CENPP: variants seen among roughly 807,000 people sequenced by gnomAD.
The protein encoded by CENPP is centromere protein P.
CENPP carries 24 observed loss-of-function variants against 35.6 expected under a neutral mutation model. The observed-to-expected ratio is 0.67, with a 90% CI of 0.49 to 0.95. The LOEUF (loss-of-function observed/expected upper bound fraction) is 0.95, where lower values mean the gene tolerates loss of function less well. Among genes scored for constraint, CENPP ranks in the 40% least tolerant of loss-of-function variants. The pLI, the probability that CENPP is intolerant of heterozygous loss-of-function variation, is 0.00. For synonymous variants in CENPP, 120 were observed against 125.5 expected (o/e 0.96, Z 0.29); for missense variants, 332 against 345.3 (o/e 0.96, Z 0.31).
chr9:92,540,895 A>G (rs1849302796), intron 5 of CENPP, among the ~76,000 whole-genome samples: 3 of 152,220 alleles, frequency 2.0e-5, no homozygotes, highest in African/African-American at 7.2e-5. Flanking sequence ...GAGCAAAAAT[A>G]TCGATAAAGT....
intron 5 of CENPP, among the ~76,000 whole-genome samples, chr9:92,503,276 C>G (rs230222): frequency 0.41 from 62,498 of 152,052 alleles, 15,403 homozygotes; most frequent in East Asian, 0.8. Flanking sequence ...CTTAAAAACT[C>G]TGAAAAGTAG....
At chr9:92,496,382 G>C (rs1032829011) in intron 5 of CENPP, 10 of 1,608,344 alleles carry the variant, frequency 6.2e-6, no homozygotes, top group Non-Finnish European at 7.6e-6. Flanking sequence ...TGTGTAAGAT[G>C]GTATTTCTCT....
At chr9:92,566,704 A>T (rs1849975755) in intron 5 of CENPP, among the ~76,000 whole-genome samples, 1 of 152,236 alleles carries the variant, frequency 6.6e-6, no homozygotes. Context: ...CTGCAGAAGA[A>T]TGAACAGAGC....
chr9:92,511,109 T>G (rs772197824), intron 5 of CENPP, among the ~76,000 whole-genome samples: 12 of 152,194 alleles, frequency 7.9e-5, no homozygotes, highest in Non-Finnish European at 1.3e-4. Context: ...CTGAAATTCC[T>G]TGAATTCTCT....
At chr9:92,407,325 C>G (rs79076334) in intron 5 of CENPP, among the ~76,000 whole-genome samples, 1 of 152,304 alleles carries the variant, frequency 6.6e-6, no homozygotes, top group African/African-American at 2.4e-5. Flanking sequence ...TCAAGACTAT[C>G]AGGTGTGGCT....
chr9:92,573,107 G>A (rs1452110400), intron 5 of CENPP, among the ~76,000 whole-genome samples: 1 of 152,186 alleles, frequency 6.6e-6, no homozygotes, highest in Non-Finnish European at 1.5e-5. Context: ...ACTCGTCAAA[G>A]TCATTCTCCG....
intron 5 of CENPP, among the ~76,000 whole-genome samples, chr9:92,436,989 C>T (rs1194506593): frequency 6.6e-6 from 1 of 152,104 alleles, no homozygotes; most frequent in East Asian, 1.9e-4. Flanking sequence ...CACTTGAGGA[C>T]AGGAGTTTGA....
intron 5 of CENPP, among the ~76,000 whole-genome samples, chr9:92,555,204 T>G (rs996596918): frequency 6.7e-6 from 1 of 149,902 alleles, no homozygotes; most frequent in Non-Finnish European, 1.5e-5. Context: ...TCTTGGACTT[T>G]TTTTTGGAAA....
At chr9:92,573,489 A>T (rs1165253512) in intron 5 of CENPP, among the ~76,000 whole-genome samples, 1 of 152,142 alleles carries the variant, frequency 6.6e-6, no homozygotes, top group Non-Finnish European at 1.5e-5. Flanking sequence ...ACTGGGCTGT[A>T]TGAGGTGTCA....
At chr9:92,345,491 CA>C (rs34508753) in intron 3 of CENPP, among the ~76,000 whole-genome samples, 260 of 75,974 alleles carry the variant, frequency 3.4e-3, no homozygotes, top group Non-Finnish European at 4.3e-3. Context: ...ACTCCGTCTC[CA>C]AAAAAAAAAA....
rs1268415411 is a variant in CENPP, at chr9:92,615,726, A to G, written c.*2577A>G. The stretch of plus-strand genomic sequence containing the variant: ...GGCAATCCCACCTCAAAAGGGGTTA[A>G]AAGCAAAAACATTCACAACCAAAGG... On this transcript the variant is annotated 3_prime_UTR_variant, in exon 8 of 8. Transcript: ENST00000375587. 5 of 933,696 alleles carry G rather than the reference A, an allele frequency of 5.4e-6. No homozygotes were observed. Among genetic ancestry groups the G allele is most frequent in the Non-Finnish European group, 8.3e-6 (5 of 605,448 alleles). 57.8% of individuals were successfully genotyped at this position (933,696 alleles called of 1,614,324 possible).
chr9:92,537,819 T>C (rs1458907431), intron 5 of CENPP, among the ~76,000 whole-genome samples: 1 of 152,180 alleles, frequency 6.6e-6, no homozygotes, highest in Non-Finnish European at 1.5e-5. Flanking sequence ...AACAGGAAGG[T>C]TATTTTTTCA....
At chr9:92,369,659 C>G (rs1428741018) in intron 4 of CENPP, among the ~76,000 whole-genome samples, 1 of 152,176 alleles carries the variant, frequency 6.6e-6, no homozygotes, top group Non-Finnish European at 1.5e-5. Flanking sequence ...TGTATAAAAA[C>G]ACTACTGATT....
chr9:92,523,936 C>T (rs1053532320), intron 5 of CENPP, among the ~76,000 whole-genome samples: 2 of 152,340 alleles, frequency 1.3e-5, no homozygotes, highest in African/African-American at 4.8e-5. Flanking sequence ...TATGCAGGCA[C>T]TCCATAAGCC....
At chr9:92,576,495 A>G (rs1850285285) in intron 5 of CENPP, among the ~76,000 whole-genome samples, 1 of 152,188 alleles carries the variant, frequency 6.6e-6, no homozygotes, top group South Asian at 2.1e-4. Flanking sequence ...TTAAGATGAT[A>G]AATTTTATGT....
intron 5 of CENPP, among the ~76,000 whole-genome samples, chr9:92,473,177 T>G (rs990456821): frequency 5.3e-5 from 8 of 152,144 alleles, no homozygotes; most frequent in African/African-American, 1.9e-4. Flanking sequence ...GCTTCTCAAG[T>G]CTTTGGTGAC....
At chr9:92,541,943 G>A (rs947525913) in intron 5 of CENPP, among the ~76,000 whole-genome samples, 9 of 152,032 alleles carry the variant, frequency 5.9e-5, no homozygotes, top group East Asian at 1.9e-4. Context: ...ACAAGCATCC[G>A]CCGCCGCACC....
chr9:92,459,647 C>G (rs201929283), intron 5 of CENPP: 2 of 1,612,618 alleles, frequency 1.2e-6, no homozygotes, highest in African/African-American at 2.7e-5. Flanking sequence ...GGTATTTCAA[C>G]TCTGGTAATC....
chr9:92,458,215 C>T (rs976110081), intron 5 of CENPP, among the ~76,000 whole-genome samples: 3 of 152,180 alleles, frequency 2.0e-5, no homozygotes, highest in African/African-American at 4.8e-5. Context: ...GGAACTTTCC[C>T]TCATTCCCTT....
Sources: gnomAD v4.1 joint callset for allele counts (sites outside exome capture counted in the v4.1 genomes callset) on GRCh38, gnomAD v4.1.1 for gene constraint, MANE v1.5 for transcripts, NCBI Gene and HGNC (gene_info 2026-07-23, HGNC 2026-07-21) for gene names.